The following NDC80 variants were observed in gnomAD, a reference collection of about 807,000 sequenced individuals.
NDC80 encodes NDC80 kinetochore complex component.
Under a neutral mutation model 89.3 loss-of-function variants are expected in NDC80, and 69 were observed. That is an observed-to-expected ratio of 0.77 (90% CI 0.64 to 0.94). NDC80 has a LOEUF of 0.94. Among genes scored for constraint, NDC80 ranks in the 40% least tolerant of loss-of-function variants. NDC80 has a pLI of 0.00. For synonymous variants in NDC80, 243 were observed against 255.6 expected, an observed-to-expected ratio of 0.95 and a Z score of 0.47; for missense variants, 593 against 739.6, an observed-to-expected ratio of 0.80 and a Z score of 2.30.
At chr18:2,606,545 G>C in intron 14 of NDC80, 38 bp downstream of exon 14, 1 of 1,373,124 alleles carries the variant, frequency 7.3e-7, no homozygotes, top group Non-Finnish European at 1.0e-6. Flanking sequence ...GTTATCAAAA[G>C]CTATGTCATG....
At chr18:2,591,193 A>G (rs1598239233) in intron 10 of NDC80, among the ~76,000 whole-genome samples, 2 of 152,198 alleles carry the variant, frequency 1.3e-5, no homozygotes, top group South Asian at 4.1e-4. Flanking sequence ...AGAGCAACCA[A>G]AGAAAGCTCT....
intron 6 of NDC80, among the ~76,000 whole-genome samples, chr18:2,579,669 TGC>T (rs1314468764): frequency 6.6e-6 from 1 of 152,128 alleles, no homozygotes; most frequent in Admixed American, 6.6e-5. Context: ...TCAGGTGATC[TGC>T]CCGCCTCAGC....
intron 14 of NDC80, among the ~76,000 whole-genome samples, chr18:2,608,223 T>C (rs983090663): frequency 1.3e-5 from 2 of 151,630 alleles, no homozygotes; most frequent in African/African-American, 4.8e-5. Flanking sequence ...CTTTTTTTTT[T>C]GAGACAGTGT....
At chr18:2,582,638 A>G (rs1027516898) in intron 6 of NDC80, 1 of 152,192 alleles carries the variant, frequency 6.6e-6, no homozygotes, top group Non-Finnish European at 1.5e-5. Flanking sequence ...AATGTTTTGC[A>G]TGTTGAAGTT....
Position 2,575,031 on chromosome 18 carries a change from G to T in NDC80, c.144G>T (p.Pro48=). Residue 48 remains proline, a synonymous_variant, in exon 3 of 17, where the codon CCG becomes CCT. Coordinates refer to ENST00000261597, the MANE Select transcript of NDC80 (RefSeq NM_006101.3). ...TTGGAAAGTTGAGTATAAACAAACC[G>T]ACATCTGAAAGAAAAGTCTCGCTAT... ...PTFGKLSINK[P]TSERKVSLFG... The T allele has an allele frequency of 6.2e-7, 1 of 1,611,798 alleles. No individual in the cohort carries two copies.
rs533468339 is a variant in NDC80, at chr18:2,608,520, A to G, written c.1558-180A>G. 2.2e-4 allele frequency among the ~76,000 whole-genome samples: 34 copies of G among 152,284 alleles called. 1 individual carries two copies. The highest frequency in any genetic ancestry group is 1.5e-5 in the Non-Finnish European group (1 of 68,010). ...CATGCCCAGCCGCATTTGTTTTTAT[A>G]ATACAGGATTCCCAAAGGAGCACTT... On this transcript the variant is annotated intron_variant, in intron 14 of 16. Transcript: ENST00000261597.
intron 10 of NDC80, 132 bp downstream of exon 10, chr18:2,590,294 T>G (rs1598238918): frequency 1.1e-6 from 1 of 922,344 alleles, no homozygotes; most frequent in Non-Finnish European, 1.5e-6. Flanking sequence ...AAGTTTTCAG[T>G]GTGTTTCGTA....
At chr18:2,578,247 A>G in intron 5 of NDC80, 106 bp downstream of exon 5, 1 of 1,104,820 alleles carries the variant, frequency 9.1e-7, no homozygotes, top group Non-Finnish European at 1.3e-6. Context: ...ATGTTTTAAG[A>G]TGACCACTGT....
At position 2,572,852 on chromosome 18, in the gene NDC80, G is replaced by A; in HGVS notation, c.-9-125G>A. 1.0e-5 allele frequency: 7 copies of A among 680,180 alleles called. No individual in the cohort carries two copies. In the South Asian group the frequency reaches 1.4e-4, roughly 14 times the overall value. 42.1% of individuals were successfully genotyped at this position (680,180 alleles called of 1,614,324 possible). ...CATGAACAAAAAAGAGATACCCCAG[G>A]GGAAAGATGATGATCTTGAAGAAAC... On this transcript the variant is annotated intron_variant, in intron 1 of 16. Coordinates refer to ENST00000261597, the MANE Select transcript of NDC80 (RefSeq NM_006101.3).
At chr18:2,595,262 A>G (rs2072648644) in intron 10 of NDC80, among the ~76,000 whole-genome samples, 154 bp from the exon 11 acceptor site, 1 of 142,642 alleles carries the variant, frequency 7.0e-6, no homozygotes, top group Non-Finnish European at 1.5e-5. Context: ...AAATTTTTAT[A>G]TATACTATAA....
chr18:2,611,504 T>C lies in NDC80; in HGVS notation c.1791+643T>C, dbSNP rs552718838. On this transcript the variant is annotated intron_variant, in intron 16 of 16. Coordinates refer to ENST00000261597, the MANE Select transcript of NDC80 (RefSeq NM_006101.3). The stretch of plus-strand genomic sequence containing the variant: ...TGAAAACTTATCGTACATTTAGGAT[T>C]TCATTAAGCTTAAGATGAAAGGGCA... Among the ~76,000 whole-genome samples, 13 of 152,336 alleles carry C rather than the reference T, an allele frequency of 8.5e-5. No homozygotes were observed. In the South Asian group the frequency reaches 1.2e-3, roughly 15 times the overall value.
At chr18:2,605,270 ATGTATGTGTGTGTGTGTGTGTGTGTG>A (rs2072704655) in intron 13 of NDC80, among the ~76,000 whole-genome samples, 4 of 98,062 alleles carry the variant, frequency 4.1e-5, no homozygotes, top group African/African-American at 1.5e-4. Context: ...GGCGGGCTAT[ATGTATGTGTGTGTGTGTGTGTGTGTG>A]TGTGTGTGTG....
At chr18:2,572,908 A>C (rs1274175754) in intron 1 of NDC80, 69 bp from the exon 2 acceptor site, 2 of 1,123,752 alleles carry the variant, frequency 1.8e-6, no homozygotes, top group African/African-American at 3.1e-5. Flanking sequence ...CTGTTTAAGG[A>C]TAAATAGTTG....
intron 13 of NDC80, among the ~76,000 whole-genome samples, chr18:2,605,529 G>A (rs906625967): frequency 4.6e-5 from 7 of 152,052 alleles, no homozygotes; most frequent in African/African-American, 1.4e-4. Flanking sequence ...AAAACAACTC[G>A]TTTAACTTGT....
At chr18:2,588,263 T>A (rs2072611509) in intron 8 of NDC80, among the ~76,000 whole-genome samples, 1 of 152,224 alleles carries the variant, frequency 6.6e-6, no homozygotes, top group South Asian at 2.1e-4. Context: ...TAGCAAATGC[T>A]ATTCCTCTTG....
chr18:2,589,443 C>A, intron 9 of NDC80, 133 bp downstream of exon 9: 1 of 633,192 alleles, frequency 1.6e-6, no homozygotes, highest in Non-Finnish European at 2.8e-6. Flanking sequence ...AAATTTTCAC[C>A]TAGAAACTCC....
chr18:2,598,858 G>A (rs1468713880), intron 11 of NDC80, among the ~76,000 whole-genome samples, 161 bp from the exon 12 acceptor site: 1 of 151,966 alleles, frequency 6.6e-6, no homozygotes, highest in Admixed American at 6.6e-5. Context: ...TATCTTCTTT[G>A]TATATTTTAA....
chr18:2,616,213 G>A (rs1243340911), intron 16 of NDC80, among the ~76,000 whole-genome samples: 1 of 151,838 alleles, frequency 6.6e-6, no homozygotes, highest in African/African-American at 2.4e-5. Flanking sequence ...TTAGTAGAGA[G>A]GGGGTTTTGC....
At chr18:2,612,330 C>T (rs1433352373) in intron 16 of NDC80, among the ~76,000 whole-genome samples, 6 of 125,384 alleles carry the variant, frequency 4.8e-5, no homozygotes, top group Non-Finnish European at 9.3e-5. Flanking sequence ...CACTCTGTCA[C>T]CCAGGCAGTA....
Sources: gnomAD v4.1 joint callset for allele counts (sites outside exome capture counted in the v4.1 genomes callset) on GRCh38, gnomAD v4.1.1 for gene constraint, MANE v1.5 for transcripts, NCBI Gene and HGNC (gene_info 2026-07-23, HGNC 2026-07-21) for gene names.